SUSD1: variants seen among roughly 807,000 people sequenced by gnomAD.
SUSD1 encodes sushi domain-containing protein 1.
A neutral mutation model predicts 86.9 loss-of-function variants in SUSD1; 65 were observed. That is an observed-to-expected ratio of 0.75 (90% CI 0.61 to 0.92). SUSD1 has a LOEUF of 0.92. Among genes scored for constraint, SUSD1 ranks in the 40% least tolerant of loss-of-function variants. SUSD1 has a pLI of 0.00. For missense variants in SUSD1, 850 were observed against 929.7 expected (o/e 0.91, Z 1.11); for synonymous variants, 346 against 350.0 (o/e 0.99, Z 0.13).
intron 1 of SUSD1, 109 bp from the exon 2 acceptor site, chr9:112,157,722 G>C (rs1324125838): frequency 1.4e-6 from 1 of 722,962 alleles, no homozygotes; most frequent in Non-Finnish European, 2.4e-6. Flanking sequence ...AAATAACACA[G>C]GACACACCTA....
chr9:112,070,899 G>C (rs1391774371), intron 12 of SUSD1, among the ~76,000 whole-genome samples: 2 of 152,132 alleles, frequency 1.3e-5, no homozygotes, highest in Non-Finnish European at 2.9e-5. Context: ...CTTACAGCTG[G>C]GGAGAAAAAT....
In SUSD1 at chr9:112,171,525, T is replaced by C. The variant is rs191358206; in HGVS notation, c.103+3608A>G. On this transcript the variant is annotated intron_variant, in intron 1 of 16. Coordinates refer to ENST00000374270, the MANE Select transcript of SUSD1 (RefSeq NM_022486.5). ...AAGGCACGGAATATGGTATTACTGG[T>C]GCTGTAAAGAGAAGCGGATAGTGGC... Among the ~76,000 whole-genome samples, 59 of 152,288 alleles carry C rather than the reference T, an allele frequency of 3.9e-4. No homozygotes were observed. The East Asian group carries it at 8.9e-3, about 23-fold the overall frequency.
At chr9:112,150,626 C>T (rs1442994046) in intron 2 of SUSD1, among the ~76,000 whole-genome samples, 1 of 152,128 alleles carries the variant, frequency 6.6e-6, no homozygotes, top group African/African-American at 2.4e-5. Context: ...TTACACAAAC[C>T]TAAATGGCAT....
At chr9:112,044,265 A>G (rs1047613906) in intron 15 of SUSD1, among the ~76,000 whole-genome samples, 3 of 152,244 alleles carry the variant, frequency 2.0e-5, no homozygotes, top group Admixed American at 2.0e-4. Flanking sequence ...ATCCAAGCAT[A>G]TCAAATACTT....
At chr9:112,117,269 C>T (rs1337719023) in intron 6 of SUSD1, among the ~76,000 whole-genome samples, 1 of 152,236 alleles carries the variant, frequency 6.6e-6, no homozygotes, top group Non-Finnish European at 1.5e-5. Context: ...ACTCCATCTC[C>T]CTCTCTCCTC....
chr9:112,041,517 A>G (rs1345070719), intron 16 of SUSD1, 25 bp from the exon 17 acceptor site: 1 of 781,022 alleles, frequency 1.3e-6, no homozygotes, highest in Non-Finnish European at 2.4e-6. Flanking sequence ...GGAAAAGAAA[A>G]GAGACAAATA....
chr9:112,163,246 C>T (rs1342478983), intron 1 of SUSD1, among the ~76,000 whole-genome samples: 1 of 152,046 alleles, frequency 6.6e-6, no homozygotes, highest in South Asian at 2.1e-4. Flanking sequence ...GCCTTGACCT[C>T]CTGTGCTCAA....
At chr9:112,043,856 A>G (rs1175439874) in intron 15 of SUSD1, among the ~76,000 whole-genome samples, 1 of 152,118 alleles carries the variant, frequency 6.6e-6, no homozygotes, top group African/African-American at 2.4e-5. Context: ...GCTGGAGTGC[A>G]GTGGCATGAT....
chr9:112,041,496 G>C lies in SUSD1; in HGVS notation c.*-4C>G, dbSNP rs754924081. ...CCACTCAGTGTCCATCTGCCATCTA[G>C]ACATGGAGGAGGAAAAGAAAAGAGA... On this transcript the variant is annotated splice_region_variant and splice_polypyrimidine_tract_variant and intron_variant, in intron 16 of 16. Coordinates refer to ENST00000374270, the MANE Select transcript of SUSD1 (RefSeq NM_022486.5). 7 of 780,916 alleles carry C rather than the reference G, an allele frequency of 9.0e-6. No homozygotes were observed. In the Middle Eastern group the frequency reaches 6.7e-4, roughly 75 times the overall value. 48.4% of individuals were successfully genotyped at this position (780,916 alleles called of 1,614,324 possible).
At chr9:112,079,942 T>C (rs552691158) in intron 11 of SUSD1, 132 bp downstream of exon 11, 5 of 613,598 alleles carry the variant, frequency 8.1e-6, no homozygotes, top group South Asian at 5.5e-5. Flanking sequence ...TTCTTGCTTC[T>C]TGATGCAATT....
chr9:112,076,101 C>T (rs921120775), intron 12 of SUSD1, among the ~76,000 whole-genome samples: 1 of 152,160 alleles, frequency 6.6e-6, no homozygotes, highest in African/African-American at 2.4e-5. Context: ...AATGGAAACT[C>T]ACTGGAGAGT....
At chr9:112,150,482 C>A (rs1358165557) in intron 2 of SUSD1, among the ~76,000 whole-genome samples, 1 of 152,158 alleles carries the variant, frequency 6.6e-6, no homozygotes, top group African/African-American at 2.4e-5. Flanking sequence ...ACCAAAAGTA[C>A]CCTCCAGAAG....
intron 15 of SUSD1, among the ~76,000 whole-genome samples, chr9:112,046,620 C>T (rs1388743602): frequency 6.6e-6 from 1 of 152,134 alleles, no homozygotes; most frequent in East Asian, 1.9e-4. Flanking sequence ...TGAGGACGCT[C>T]CATGGGTGTG....
At position 112,111,813 on chromosome 9, in the gene SUSD1, G is replaced by T; in HGVS notation, c.1012C>A (p.Pro338Thr). ...GTCTCCTCACGAACTGATTCCATAGGGTCCAACCGTTGTCCTTTTATGGAT... is the reference window on the plus strand; with the variant it reads ...GTCTCCTCACGAACTGATTCCATAGTGTCCAACCGTTGTCCTTTTATGGAT... ...VISIKGQRLD[P>T]MESVREETVN... Residue 338 changes from proline (P) to threonine (T), a missense_variant, in exon 8 of 17, where the codon CCT (proline) becomes ACT (threonine). Transcript: ENST00000374270. The T allele has an allele frequency of 6.2e-7, 1 of 1,614,022 alleles. No homozygotes were observed. Among genetic ancestry groups the T allele is most frequent in the Non-Finnish European group, 8.5e-7 (1 of 1,179,980 alleles).
chr9:112,173,798 C>A, intron 1 of SUSD1: 1 of 279,666 alleles, frequency 3.6e-6, no homozygotes, highest in South Asian at 4.2e-5. Flanking sequence ...CACTGTCGCC[C>A]TGCATCTTCT....
In SUSD1 at chr9:112,173,120, T is replaced by C. The variant is rs151108882; in HGVS notation, c.103+2013A>G. Among the ~76,000 whole-genome samples the C allele has an allele frequency of 1.2e-4, 19 of 152,172 alleles. 1 individual carries two copies. The East Asian group carries it at 3.3e-3, about 26-fold the overall frequency. On this transcript the variant is annotated intron_variant, in intron 1 of 16. Coordinates refer to ENST00000374270, the MANE Select transcript of SUSD1 (RefSeq NM_022486.5). ...GAGATATCACAGGAAGATCCTGAAA[T>C]AGACGCCAAGCATCTGCAAGTCCTA...
In SUSD1 at chr9:112,121,505, G is replaced by A. The variant is rs116717088; in HGVS notation, c.886+2752C>T. On this transcript the variant is annotated intron_variant, in intron 6 of 16. Transcript: ENST00000374270. ...AGAGGGTCATGCCGACAAAGTACCT[G>A]ACAAATAGTGTATGCTAAATAGATA... Among the ~76,000 whole-genome samples, 556 of 152,294 alleles carry A rather than the reference G, an allele frequency of 3.7e-3. 4 individuals carry two copies. Among genetic ancestry groups the A allele is most frequent in the African/African-American group, 0.013 (537 of 41,564 alleles).
At chr9:112,046,464 T>C (rs1449197889) in intron 15 of SUSD1, among the ~76,000 whole-genome samples, 1 of 151,982 alleles carries the variant, frequency 6.6e-6, no homozygotes, top group Admixed American at 6.5e-5. Context: ...ATTCTCTTTA[T>C]GGTGGCTCCC....
At chr9:112,060,999 G>C (rs1254226132) in intron 13 of SUSD1, among the ~76,000 whole-genome samples, 1 of 152,156 alleles carries the variant, frequency 6.6e-6, no homozygotes, top group African/African-American at 2.4e-5. Flanking sequence ...TGTGTTGCTT[G>C]ATTATTATAC....
Sources: allele counts gnomAD v4.1 joint callset (sites outside exome capture counted in the v4.1 genomes callset), GRCh38; gene constraint gnomAD v4.1.1; transcripts MANE v1.5; gene names NCBI Gene and HGNC (gene_info 2026-07-23, HGNC 2026-07-21).